The following FEZ2 variants were observed in gnomAD, a reference collection of about 807,000 sequenced individuals.
The protein encoded by FEZ2 is fasciculation and elongation protein zeta 2.
Under a neutral mutation model 40.4 loss-of-function variants are expected in FEZ2, and 51 were observed. The ratio of observed to expected loss-of-function variants is 1.26; its 90% CI spans 1.01 to 1.59. The LOEUF (loss-of-function observed/expected upper bound fraction) is 1.59, where lower values mean the gene tolerates loss of function less well. FEZ2 is among the 40% of genes most tolerant of loss of function. FEZ2 has a pLI of 0.00. For missense variants in FEZ2, 640 were observed against 438.3 expected, an observed-to-expected ratio of 1.46 and a Z score of -4.11; for synonymous variants, 242 against 172.0, an observed-to-expected ratio of 1.41 and a Z score of -3.18.
intron 5 of FEZ2, among the ~76,000 whole-genome samples, chr2:36,574,647 GA>G (rs796129919): frequency 1.2e-3 from 175 of 143,210 alleles, no homozygotes; most frequent in Middle Eastern, 3.6e-3. Flanking sequence ...GGATGAGTGA[GA>G]AAAAAAAAAA....
intron 5 of FEZ2, among the ~76,000 whole-genome samples, chr2:36,577,446 G>C (rs1344891416): frequency 6.6e-6 from 1 of 152,066 alleles, no homozygotes; most frequent in African/African-American, 2.4e-5. Flanking sequence ...TAGTAGAGAC[G>C]GGGTTTCTCC....
At chr2:36,556,003 T>C (rs971107060) in intron 6 of FEZ2, 11 of 607,292 alleles carry the variant, frequency 1.8e-5, no homozygotes, top group Non-Finnish European at 3.2e-5. Flanking sequence ...TGATTTAAAA[T>C]TTCCAAACAG....
intron 5 of FEZ2, among the ~76,000 whole-genome samples, chr2:36,570,846 T>C (rs568660009): frequency 2.0e-5 from 3 of 152,334 alleles, no homozygotes; most frequent in African/African-American, 7.2e-5. Context: ...CATCTATCTA[T>C]ACGCAGTCCA....
chr2:36,564,105 G>A (rs1160188669), intron 5 of FEZ2, among the ~76,000 whole-genome samples: 1 of 152,156 alleles, frequency 6.6e-6, no homozygotes, highest in Non-Finnish European at 1.5e-5. Flanking sequence ...ACTAAGATCA[G>A]TAAAGTGCTA....
chr2:36,579,270 G>A (rs931040033), intron 4 of FEZ2, among the ~76,000 whole-genome samples: 25 of 152,146 alleles, frequency 1.6e-4, no homozygotes, highest in African/African-American at 5.8e-4. Context: ...CAGGGTTCTG[G>A]GATATCTCTG....
At chr2:36,593,296 C>T (rs1372937808) in intron 1 of FEZ2, among the ~76,000 whole-genome samples, 1 of 152,022 alleles carries the variant, frequency 6.6e-6, no homozygotes, top group Non-Finnish European at 1.5e-5. Context: ...GGACAGCGGC[C>T]CTCTTCTCAC....
Position 36,597,885 on chromosome 2 carries a change from C to T in FEZ2, c.258G>A (p.Gln86=). The T allele has an allele frequency of 7.2e-7, 1 of 1,382,558 alleles. No homozygotes were observed. The highest frequency in any genetic ancestry group is 9.3e-7 in the Non-Finnish European group (1 of 1,075,242). The allele number at this position is 1,382,558 out of a possible 1,614,324, so 85.6% of individuals were successfully genotyped here. ...VRPITERSLL[Q]GDEIWNALTD... ...CGGGGCCCCGCACTCACTCGTCCCC[C>T]TGCAGGAGGCTGCGCTCCGTGATGG... The change falls in exon 1 of 8, where the codon CAG becomes CAA. Residue 86 remains glutamine (Q), a synonymous_variant. Transcript: ENST00000405912.
At chr2:36,597,826 C>A (rs1236350544) in intron 1 of FEZ2, 51 bp downstream of exon 1, 2 of 1,282,422 alleles carry the variant, frequency 1.6e-6, no homozygotes, top group Non-Finnish European at 2.0e-6. Flanking sequence ...GCCGGTCGGG[C>A]GAGGGGTAGG....
intron 3 of FEZ2, among the ~76,000 whole-genome samples, chr2:36,582,867 A>G (rs2125236931): frequency 6.6e-6 from 1 of 152,304 alleles, no homozygotes. Flanking sequence ...AGCTGATTCG[A>G]CTGGTTTTAA....
At chr2:36,553,314 T>G in intron 7 of FEZ2, 135 bp from the exon 8 acceptor site, 2 of 695,166 alleles carry the variant, frequency 2.9e-6, no homozygotes, top group Non-Finnish European at 4.9e-6. Flanking sequence ...TATGTAGCAA[T>G]TTTTTAAAGG....
At chr2:36,592,704 CT>C (rs1468566749) in intron 1 of FEZ2, among the ~76,000 whole-genome samples, 1 of 151,464 alleles carries the variant, frequency 6.6e-6, no homozygotes, top group Non-Finnish European at 1.5e-5. Flanking sequence ...GTCCCAGCTA[CT>C]TTTGGAGGGT....
chr2:36,596,509 T>G (rs551495715), intron 1 of FEZ2, among the ~76,000 whole-genome samples: 79 of 152,288 alleles, frequency 5.2e-4, no homozygotes, highest in Admixed American at 2.1e-3. Context: ...CAGGCTGGAG[T>G]GCAGTTGTGC....
At chr2:36,581,225 A>T (rs1668733143) in intron 4 of FEZ2, 65 bp downstream of exon 4, 3 of 1,404,662 alleles carry the variant, frequency 2.1e-6, no homozygotes, top group South Asian at 2.5e-5. Context: ...TCTGGAGATG[A>T]TCATACTATA....
chr2:36,583,490 C>A, intron 2 of FEZ2, 21 bp from the exon 3 acceptor site: 1 of 1,221,048 alleles, frequency 8.2e-7, no homozygotes, highest in South Asian at 1.2e-5. Context: ...AAATACCCAT[C>A]ATTAAAAGCA....
chr2:36,578,529 C>G, intron 5 of FEZ2, 68 bp downstream of exon 5: 1 of 1,518,362 alleles, frequency 6.6e-7, no homozygotes, highest in Non-Finnish European at 8.9e-7. Flanking sequence ...CTGCCACCAG[C>G]CCCAAAGGCT....
chr2:36,566,407 C>A (rs1573006733), intron 5 of FEZ2, among the ~76,000 whole-genome samples: 1 of 148,230 alleles, frequency 6.7e-6, no homozygotes, highest in African/African-American at 2.5e-5. Flanking sequence ...TAAAGAGAAA[C>A]AATAAAGAAA....
intron 3 of FEZ2, among the ~76,000 whole-genome samples, chr2:36,582,078 A>C (rs182042855): frequency 1.3e-5 from 2 of 152,314 alleles, no homozygotes; most frequent in African/African-American, 4.8e-5. Flanking sequence ...TTAAACAATG[A>C]TCTACTGTCT....
At chr2:36,584,827 C>T (rs1275411996) in intron 2 of FEZ2, among the ~76,000 whole-genome samples, 1 of 152,178 alleles carries the variant, frequency 6.6e-6, no homozygotes, top group Non-Finnish European at 1.5e-5. Context: ...ACACAGCCTA[C>T]AGAGTAAGAA....
chr2:36,554,771 A>G (rs992252764), intron 7 of FEZ2, among the ~76,000 whole-genome samples: 2 of 152,154 alleles, frequency 1.3e-5, no homozygotes, highest in Non-Finnish European at 2.9e-5. Flanking sequence ...TTCCCCTTTC[A>G]TGACACTATG....
Sources: gnomAD v4.1 joint callset for allele counts (sites outside exome capture counted in the v4.1 genomes callset) on GRCh38, gnomAD v4.1.1 for gene constraint, MANE v1.5 for transcripts, NCBI Gene and HGNC (gene_info 2026-07-23, HGNC 2026-07-21) for gene names.